The following TEC variants were observed in gnomAD, a reference collection of about 807,000 sequenced individuals.
The protein encoded by TEC is tec protein tyrosine kinase.
Under a neutral mutation model 93.0 loss-of-function variants are expected in TEC, and 72 were observed. The observed-to-expected ratio is 0.77, with a 90% CI of 0.64 to 0.94. The LOEUF is 0.94. Ranked by LOEUF, TEC falls within the 40% of genes least tolerant of loss-of-function variation. The probability of loss-of-function intolerance (pLI) is 0.00; values close to 1 mark genes in which losing one functional copy is unlikely to be tolerated. For missense variants in TEC, 630 were observed against 757.9 expected (o/e 0.83, Z 1.98); for synonymous variants, 249 against 247.7 (o/e 1.01, Z -0.05).
chr4:48,260,144 G>C (rs9291321), intron 1 of TEC, among the ~76,000 whole-genome samples: 83,532 of 152,066 alleles, frequency 0.55, 23,189 homozygotes, highest in East Asian at 0.68. Flanking sequence ...CCTATAACTG[G>C]GTACATAACA....
At chr4:48,224,525 GA>G (rs1723377922) in intron 2 of TEC, among the ~76,000 whole-genome samples, 1 of 152,170 alleles carries the variant, frequency 6.6e-6, no homozygotes, top group African/African-American at 2.4e-5. Flanking sequence ...CATCACTTAT[GA>G]AACCTCCAGT....
At chr4:48,194,421 T>C (rs1364346093) in intron 2 of TEC, among the ~76,000 whole-genome samples, 1 of 152,264 alleles carries the variant, frequency 6.6e-6, no homozygotes, top group Non-Finnish European at 1.5e-5. Context: ...TAGCCCTATA[T>C]ATCTCTCTAG....
intron 2 of TEC, among the ~76,000 whole-genome samples, chr4:48,188,672 C>G (rs1477063089): frequency 6.6e-6 from 1 of 152,160 alleles, no homozygotes; most frequent in Admixed American, 6.5e-5. Flanking sequence ...TGTGTGCATT[C>G]ACATACTTAT....
intron 1 of TEC, among the ~76,000 whole-genome samples, chr4:48,263,211 T>C (rs2109680686): frequency 6.6e-6 from 1 of 152,326 alleles, no homozygotes; most frequent in South Asian, 2.1e-4. Context: ...GTAAGGGTGC[T>C]GCTGCTGGTA....
chr4:48,138,754 C>A lies in TEC; in HGVS notation c.1723G>T (p.Val575Leu). The change falls in exon 17 of 18, where the codon GTA (valine) becomes TTA (leucine). Residue 575 changes from valine to leucine, a missense_variant. Val to Leu is a conservative substitution (Grantham distance 32). Transcript: ENST00000381501. ...CGGTGGCCTCGAGTAACCATGGTTA[C>A]CACTTCATAATTGGTGTATTTTTCA... ...PFEKYTNYEV[V>L]TMVTRGHRLY... The A allele has an allele frequency of 6.2e-7, 1 of 1,614,182 alleles. No homozygotes were observed. Among genetic ancestry groups the A allele is most frequent in the Non-Finnish European group, 8.5e-7 (1 of 1,180,006 alleles).
chr4:48,181,030 T>C (rs73814681), intron 2 of TEC, among the ~76,000 whole-genome samples: 4,094 of 151,764 alleles, frequency 0.027, 172 homozygotes, highest in African/African-American at 0.094. Flanking sequence ...GGATTAAGAG[T>C]AGAGAAGGAC....
intron 1 of TEC, among the ~76,000 whole-genome samples, chr4:48,231,559 A>G (rs2704402): frequency 0.44 from 66,512 of 152,008 alleles, 16,324 homozygotes; most frequent in African/African-American, 0.66. Flanking sequence ...GATCAAGATC[A>G]TCCTGGCTAA....
chr4:48,228,455 G>A lies in TEC; in HGVS notation c.138+22C>T, dbSNP rs750547532. Reference sequence around the variant, plus strand: ...CGTTATCTACATAGAAAGCAGAAAAGTAAATCGTGATTGTCTCTTACCTCT... The same window carrying A: ...CGTTATCTACATAGAAAGCAGAAAAATAAATCGTGATTGTCTCTTACCTCT... On this transcript the variant is annotated intron_variant, in intron 2 of 17. Coordinates refer to ENST00000381501, the MANE Select transcript of TEC (RefSeq NM_003215.3). The A allele has an allele frequency of 5.3e-5, 82 of 1,559,486 alleles. 1 individual carries two copies. The Middle Eastern group carries it at 9.4e-4, about 18-fold the overall frequency.
rs564677840 is a variant in TEC, at chr4:48,176,337, C to T, written c.139-151G>A. On this transcript the variant is annotated intron_variant, in intron 2 of 17. Transcript: ENST00000381501. ...TTTCCCACTAACTGCTAAAATTATTCAAAATACTAACACTGTGATTATTGT... is the reference window on the plus strand; with the variant it reads ...TTTCCCACTAACTGCTAAAATTATTTAAAATACTAACACTGTGATTATTGT... 19 of 614,434 alleles carry T rather than the reference C, an allele frequency of 3.1e-5. No homozygotes were observed. The South Asian group carries it at 3.4e-4, about 11-fold the overall frequency. The allele number at this position is 614,434 out of a possible 1,614,324, so 38.1% of individuals were successfully genotyped here. A position where few individuals can be genotyped will look rare whatever the true frequency, so the allele number is the denominator to read the frequency against.
intron 1 of TEC, among the ~76,000 whole-genome samples, chr4:48,236,827 C>T (rs1177878813): frequency 6.6e-6 from 1 of 152,176 alleles, no homozygotes; most frequent in Non-Finnish European, 1.5e-5. Flanking sequence ...ATCTGAATAT[C>T]TGACTAATAC....
At chr4:48,224,717 A>G (rs1723384914) in intron 2 of TEC, among the ~76,000 whole-genome samples, 1 of 152,220 alleles carries the variant, frequency 6.6e-6, no homozygotes, top group Admixed American at 6.5e-5. Flanking sequence ...GCAAAATTAG[A>G]CTGAGGAAAT....
At chr4:48,171,293 T>C in intron 4 of TEC, 75 bp downstream of exon 4, 1 of 1,172,964 alleles carries the variant, frequency 8.5e-7, no homozygotes, top group Non-Finnish European at 1.2e-6. Context: ...ATACATTAGC[T>C]GTATTTCTGT....
chr4:48,268,543 T>A (rs1301223415), intron 1 of TEC, among the ~76,000 whole-genome samples: 3 of 152,244 alleles, frequency 2.0e-5, no homozygotes, highest in Non-Finnish European at 4.4e-5. Context: ...ATACTTCTAT[T>A]TTCCCCTTAG....
chr4:48,243,605 C>T lies in TEC; in HGVS notation c.-45-14946G>A, dbSNP rs146752564. On this transcript the variant is annotated intron_variant, in intron 1 of 17. Transcript: ENST00000381501. ...TATGTTATCAAAATAAAACATAAAA[C>T]ATGGCCATTAAGATACTCATACCCT... is the stretch of plus-strand genomic sequence containing the variant. Among the ~76,000 whole-genome samples, 480 of 152,288 alleles carry T rather than the reference C, an allele frequency of 3.2e-3. 5 individuals carry two copies. The highest frequency in any genetic ancestry group is 0.011 in the African/African-American group (463 of 41,556).
At chr4:48,161,129 G>A (rs980446116) in intron 8 of TEC, among the ~76,000 whole-genome samples, 146 of 152,126 alleles carry the variant, frequency 9.6e-4, no homozygotes, top group African/African-American at 3.1e-3. Flanking sequence ...CTTTTAACCC[G>A]GAAAGGTCAG....
intron 11 of TEC, among the ~76,000 whole-genome samples, chr4:48,147,747 T>C (rs1719979944): frequency 6.6e-6 from 1 of 152,230 alleles, no homozygotes; most frequent in African/African-American, 2.4e-5. Flanking sequence ...TAGACTTGTA[T>C]GCTGGCCTGA....
intron 2 of TEC, among the ~76,000 whole-genome samples, chr4:48,218,804 T>C (rs1165653270): frequency 2.0e-5 from 3 of 152,176 alleles, no homozygotes; most frequent in Admixed American, 6.5e-5. Context: ...TCCCAGGGTG[T>C]TTGAGACTCA....
chr4:48,168,447 T>C (rs1560386394), intron 6 of TEC, 139 bp downstream of exon 6: 1 of 826,970 alleles, frequency 1.2e-6, no homozygotes, highest in Admixed American at 2.7e-5. Flanking sequence ...GCACATCTGC[T>C]TCTGAGACGA....
chr4:48,246,783 C>T (rs1322161213), intron 1 of TEC, among the ~76,000 whole-genome samples: 2 of 152,118 alleles, frequency 1.3e-5, no homozygotes, highest in African/African-American at 4.8e-5. Flanking sequence ...AATTAAAGAA[C>T]TAAAATTGTA....
Sources: gnomAD v4.1 joint callset for allele counts (sites outside exome capture counted in the v4.1 genomes callset) on GRCh38, gnomAD v4.1.1 for gene constraint, MANE v1.5 for transcripts, NCBI Gene and HGNC (gene_info 2026-07-23, HGNC 2026-07-21) for gene names.